Variants in CPEB2 observed in about 807,000 individuals in gnomAD.
The protein encoded by CPEB2 is cytoplasmic polyadenylation element binding protein 2, also known as cytoplasmic polyadenylation element-binding protein 2.
In CPEB2, 56 loss-of-function variants were observed where a neutral mutation model predicts 93.6. The observed-to-expected ratio is 0.60, with a 90% CI of 0.48 to 0.75. CPEB2 has a LOEUF of 0.75. Ranked by LOEUF, CPEB2 falls within the 30% of genes least tolerant of loss-of-function variation. CPEB2 has a pLI of 0.00. For missense variants in CPEB2, 1,579 were observed against 1,395.1 expected, an observed-to-expected ratio of 1.13 and a Z score of -2.10; for synonymous variants, 764 against 586.3, an observed-to-expected ratio of 1.30 and a Z score of -4.38.
chr4:15,061,963 C>G (rs1729228670), intron 10 of CPEB2, 116 bp from the exon 11 acceptor site: 3 of 970,394 alleles, frequency 3.1e-6, no homozygotes, highest in Non-Finnish European at 4.5e-6. Flanking sequence ...ATCTGCCATT[C>G]TACTCCTGGT....
intron 3 of CPEB2, among the ~76,000 whole-genome samples, chr4:15,011,530 G>C (rs763231266): frequency 7.9e-5 from 12 of 152,126 alleles, no homozygotes; most frequent in Non-Finnish European, 7.4e-5. Context: ...TTTGCAGCCA[G>C]ATCCAGCAAT....
chr4:15,003,830 A>G lies in CPEB2; in HGVS notation c.1157A>G (p.Gln386Arg). The change falls in exon 1 of 12, where the codon CAG (glutamine) becomes CGG (arginine). Residue 386 changes from glutamine (Q) to arginine (R), a missense_variant. Coordinates refer to ENST00000538197, the MANE Select transcript of CPEB2 (RefSeq NM_001177382.2). ...GGCTTCGGCACCCCCTGGTCGGTGC[A>G]GACCGCGTCGCCGCCACCCCAGCCC... ...LPGFGTPWSV[Q>R]TASPPPQPQQ... 1.1e-6 allele frequency: 1 copy of G among 923,926 alleles called. No homozygotes were observed. Among genetic ancestry groups the G allele is most frequent in the Non-Finnish European group, 1.4e-6 (1 of 707,304 alleles). The allele number at this position is 923,926 out of a possible 1,614,324, so 57.2% of individuals were successfully genotyped here. A position where few individuals can be genotyped will look rare whatever the true frequency, so the allele number is the denominator to read the frequency against.
chr4:15,032,210 T>G (rs1012690014), intron 4 of CPEB2, among the ~76,000 whole-genome samples: 6 of 152,112 alleles, frequency 3.9e-5, no homozygotes, highest in African/African-American at 1.4e-4. Flanking sequence ...TGATCTTCCT[T>G]TTTCTACCTC....
chr4:15,017,732 C>T (rs1270282483), intron 4 of CPEB2: 1 of 151,558 alleles, frequency 6.6e-6, no homozygotes, highest in African/African-American at 2.4e-5. Context: ...TTTATAGTAG[C>T]TTCTCTGAGG....
chr4:15,011,139 C>T (rs1156476758), intron 3 of CPEB2, among the ~76,000 whole-genome samples: 2 of 132,160 alleles, frequency 1.5e-5, no homozygotes, highest in Non-Finnish European at 3.1e-5. Flanking sequence ...TTCACTCTGT[C>T]ACTCAGGCTG....
chr4:15,003,439 G>T lies in CPEB2; in HGVS notation c.766G>T (p.Ala256Ser). The T allele has an allele frequency of 7.4e-7, 1 of 1,358,286 alleles. No individual in the cohort carries two copies. Among genetic ancestry groups the T allele is most frequent in the Non-Finnish European group, 9.4e-7 (1 of 1,065,928 alleles). The allele number at this position is 1,358,286 out of a possible 1,614,324, so 84.1% of individuals were successfully genotyped here. A position where few individuals can be genotyped will look rare whatever the true frequency, so the allele number is the denominator to read the frequency against. The change falls in exon 1 of 12, where the codon GCA (alanine) becomes TCA (serine). Residue 256 changes from alanine (A) to serine (S), a missense_variant. Physicochemically the swap from Ala to Ser is moderately conservative, Grantham distance 99. Coordinates refer to ENST00000538197, the MANE Select transcript of CPEB2 (RefSeq NM_001177382.2). ...PQDFAPRQRP[A>S]DLPPLPQLPP... ...GGACTTCGCCCCGCGGCAGCGTCCG[G>T]CAGACCTGCCCCCGCTCCCGCAGCT...
At chr4:15,032,562 T>TG (rs1473870436) in intron 4 of CPEB2, among the ~76,000 whole-genome samples, 1 of 115,720 alleles carries the variant, frequency 8.6e-6, no homozygotes, top group Non-Finnish European at 2.0e-5. Flanking sequence ...AGCTTTAATT[T>TG]TTTTTATATT....
At chr4:15,006,249 T>A (rs1272936182) in intron 1 of CPEB2, among the ~76,000 whole-genome samples, 1 of 152,202 alleles carries the variant, frequency 6.6e-6, no homozygotes, top group African/African-American at 2.4e-5. Flanking sequence ...ATTGGTGCTG[T>A]AGATCAGGAG....
intron 7 of CPEB2, among the ~76,000 whole-genome samples, chr4:15,053,378 A>G (rs1476102718): frequency 6.6e-6 from 1 of 152,152 alleles, no homozygotes; most frequent in Non-Finnish European, 1.5e-5. Flanking sequence ...AGGCTATTAA[A>G]CCCGAAAGGG....
intron 3 of CPEB2, among the ~76,000 whole-genome samples, chr4:15,013,995 G>T (rs1029807197): frequency 2.6e-5 from 4 of 152,044 alleles, no homozygotes; most frequent in Non-Finnish European, 5.9e-5. Context: ...TCTCAAAATT[G>T]ATTATATAGT....
At chr4:15,062,318 T>C in intron 11 of CPEB2, 58 bp downstream of exon 11, 1 of 1,264,668 alleles carries the variant, frequency 7.9e-7, no homozygotes, top group South Asian at 1.8e-5. Context: ...ATCCAAAGCC[T>C]CATACCCTAA....
intron 10 of CPEB2, among the ~76,000 whole-genome samples, chr4:15,060,825 T>G (rs544670447): frequency 3.9e-5 from 6 of 152,232 alleles, no homozygotes; most frequent in East Asian, 3.9e-4. Flanking sequence ...CAAAGAGAGA[T>G]AAGGTTATTG....
At chr4:15,052,335 T>C in intron 6 of CPEB2, 79 bp from the exon 7 acceptor site, 2 of 984,558 alleles carry the variant, frequency 2.0e-6, no homozygotes, top group Non-Finnish European at 2.8e-6. Context: ...AGTCTTTGAA[T>C]TTGTCATTGG....
chr4:15,031,075 A>G (rs893348070), intron 4 of CPEB2, among the ~76,000 whole-genome samples: 2 of 152,038 alleles, frequency 1.3e-5, no homozygotes, highest in African/African-American at 4.8e-5. Flanking sequence ...GTTTTTTTAT[A>G]TAGCATTCTA....
intron 8 of CPEB2, 125 bp from the exon 9 acceptor site, chr4:15,058,296 G>C (rs775617646): frequency 6.3e-6 from 4 of 631,226 alleles, no homozygotes; most frequent in Non-Finnish European, 1.1e-5. Flanking sequence ...GAAGGTAAAT[G>C]GTTTTTCATC....
Position 15,008,320 on chromosome 4 carries a change from A to C in CPEB2, c.1945-18A>C, listed in dbSNP as rs1416937006. The C allele has an allele frequency of 6.3e-7, 1 of 1,584,158 alleles. No homozygotes were observed. The highest frequency in any genetic ancestry group is 8.7e-7 in the Non-Finnish European group (1 of 1,154,402). ...AGACAACTGCTCATTTCTGATGAAA[A>C]CTTCTATGCTATTGAAGGTGAGATC... On this transcript the variant is annotated intron_variant, in intron 2 of 11. Coordinates refer to ENST00000538197, the MANE Select transcript of CPEB2 (RefSeq NM_001177382.2).
intron 6 of CPEB2, among the ~76,000 whole-genome samples, chr4:15,052,199 CAT>C (rs1466885417): frequency 1.3e-5 from 2 of 152,024 alleles, no homozygotes; most frequent in Non-Finnish European, 2.9e-5. Flanking sequence ...TAATTGTTGA[CAT>C]ATGACTATGT....
At chr4:15,065,855 C>G (rs865840565) in intron 11 of CPEB2, among the ~76,000 whole-genome samples, 114 of 152,156 alleles carry the variant, frequency 7.5e-4, no homozygotes, top group African/African-American at 2.5e-3. Flanking sequence ...TCCATGACTA[C>G]TTGATATCTC....
chr4:15,030,986 A>T (rs1726032169), intron 4 of CPEB2, among the ~76,000 whole-genome samples: 2 of 152,132 alleles, frequency 1.3e-5, no homozygotes, highest in African/African-American at 4.8e-5. Flanking sequence ...ACTAGGCTTC[A>T]TGTTAAGGCT....
Sources: gnomAD v4.1 joint callset for allele counts (sites outside exome capture counted in the v4.1 genomes callset) on GRCh38, gnomAD v4.1.1 for gene constraint, MANE v1.5 for transcripts, NCBI Gene and HGNC (gene_info 2026-07-23, HGNC 2026-07-21) for gene names.